Variants in UNC5D observed in about 807,000 individuals in gnomAD.
UNC5D encodes netrin receptor UNC5D.
Under a neutral mutation model 105.4 loss-of-function variants are expected in UNC5D, and 39 were observed. That is an observed-to-expected ratio of 0.37 (90% CI 0.29 to 0.48). The LOEUF (loss-of-function observed/expected upper bound fraction) is 0.48. Among genes scored for constraint, UNC5D ranks in the 20% least tolerant of loss-of-function variants. The pLI is 0.98. For synonymous variants in UNC5D, 452 were observed against 450.4 expected (o/e 1.00, Z -0.04); for missense variants, 991 against 1,202.4 (o/e 0.82, Z 2.60).
intron 1 of UNC5D, among the ~76,000 whole-genome samples, chr8:35,468,627 C>G (rs372854825): frequency 4.6e-5 from 7 of 152,306 alleles, no homozygotes; most frequent in African/African-American, 1.4e-4. Flanking sequence ...ACAGAATTCT[C>G]TATTTTTTAA....
At chr8:35,667,286 AG>A (rs959020010) in intron 4 of UNC5D, among the ~76,000 whole-genome samples, 2 of 152,302 alleles carry the variant, frequency 1.3e-5, no homozygotes, top group African/African-American at 4.8e-5. Context: ...CTCATGCTAT[AG>A]GGCCATCACA....
intron 1 of UNC5D, among the ~76,000 whole-genome samples, chr8:35,240,212 A>G (rs1471424399): frequency 6.6e-6 from 1 of 152,142 alleles, no homozygotes; most frequent in Non-Finnish European, 1.5e-5. Context: ...GGCCTCCCAA[A>G]GTGCTAGGAT....
intron 1 of UNC5D, among the ~76,000 whole-genome samples, chr8:35,312,537 T>C (rs895941000): frequency 3.3e-5 from 5 of 152,142 alleles, no homozygotes; most frequent in Admixed American, 6.5e-5. Flanking sequence ...GACTAAGAAT[T>C]ATTAGGTGTG....
At chr8:35,569,762 C>T (rs1344341918) in intron 3 of UNC5D, among the ~76,000 whole-genome samples, 1 of 152,186 alleles carries the variant, frequency 6.6e-6, no homozygotes, top group Non-Finnish European at 1.5e-5. Context: ...AGCATGGTCT[C>T]AATCAGGCCA....
chr8:35,392,939 G>A (rs895965891), intron 1 of UNC5D, among the ~76,000 whole-genome samples: 5 of 151,974 alleles, frequency 3.3e-5, no homozygotes, highest in Admixed American at 2.6e-4. Context: ...TTGGAATAAG[G>A]TTGGCTCTCA....
chr8:35,746,378 T>C (rs1252978344), intron 11 of UNC5D, among the ~76,000 whole-genome samples: 4 of 151,934 alleles, frequency 2.6e-5, no homozygotes, highest in Non-Finnish European at 5.9e-5. Context: ...GAGAAAAAAA[T>C]GGAGAGATTT....
At chr8:35,378,887 G>A (rs966755861) in intron 1 of UNC5D, among the ~76,000 whole-genome samples, 1 of 152,120 alleles carries the variant, frequency 6.6e-6, no homozygotes, top group Non-Finnish European at 1.5e-5. Context: ...CAGTCAAATT[G>A]CCTTCTCACT....
intron 1 of UNC5D, among the ~76,000 whole-genome samples, chr8:35,285,178 G>A (rs970696598): frequency 2.0e-5 from 3 of 152,168 alleles, no homozygotes; most frequent in Non-Finnish European, 4.4e-5. Context: ...TTGCAGCTAG[G>A]CAGATATGAA....
intron 1 of UNC5D, among the ~76,000 whole-genome samples, chr8:35,360,716 T>A (rs1040222980): frequency 6.6e-6 from 1 of 152,080 alleles, no homozygotes; most frequent in African/African-American, 2.4e-5. Flanking sequence ...ATTTTAGGAG[T>A]CTGGGAAACT....
intron 4 of UNC5D, among the ~76,000 whole-genome samples, chr8:35,643,067 C>A (rs1489208548): frequency 1.3e-5 from 2 of 152,112 alleles, no homozygotes; most frequent in Admixed American, 6.5e-5. Context: ...GTGAGAGTTA[C>A]TCTCCCTGAT....
chr8:35,746,399 C>T (rs111722754), intron 11 of UNC5D, among the ~76,000 whole-genome samples: 24 of 152,086 alleles, frequency 1.6e-4, no homozygotes, highest in African/African-American at 5.8e-4. Context: ...TTGTGAAGTT[C>T]CGGTGAACTT....
At chr8:35,626,361 C>T (rs1459402703) in intron 4 of UNC5D, among the ~76,000 whole-genome samples, 8 of 152,100 alleles carry the variant, frequency 5.3e-5, no homozygotes, top group Non-Finnish European at 1.2e-4. Context: ...TTGTATATGA[C>T]TTAGTTTCAT....
rs1312871507 is a variant in UNC5D, at chr8:35,748,675, A to G, written c.1915A>G (p.Thr639Ala). ...EHWNIHLKKR[T>A]QQGKWEEVMS... ...TTGGAATATCCATTTAAAGAAGAGG[A>G]CACAGCAGGGCAAATGGGAGGTGAG... Residue 639 changes from threonine to alanine, a missense_variant, in exon 12 of 17, where the codon ACA becomes GCA. Thr to Ala is a moderately conservative substitution (Grantham distance 58). Around this residue, in one of 3 missense-constraint regions of UNC5D, gnomAD observed 944 missense variants for 1,131.6 expected, o/e 0.83. Coordinates refer to ENST00000404895, the MANE Select transcript of UNC5D (RefSeq NM_080872.4). The G allele has an allele frequency of 1.9e-6, 3 of 1,613,682 alleles. No individual in the cohort carries two copies. Among genetic ancestry groups the G allele is most frequent in the Non-Finnish European group, 2.5e-6 (3 of 1,179,818 alleles).
At chr8:35,613,365 G>A (rs1192120883) in intron 4 of UNC5D, among the ~76,000 whole-genome samples, 1 of 152,212 alleles carries the variant, frequency 6.6e-6, no homozygotes, top group Non-Finnish European at 1.5e-5. Flanking sequence ...CTGAGCTACC[G>A]CTCCTGGCCT....
intron 14 of UNC5D, among the ~76,000 whole-genome samples, chr8:35,760,716 A>T (rs1362659794): frequency 6.6e-6 from 1 of 151,686 alleles, no homozygotes. Flanking sequence ...TCTTTGTTTT[A>T]CCCATCAGCA....
At chr8:35,641,657 G>T (rs537603915) in intron 4 of UNC5D, among the ~76,000 whole-genome samples, 2 of 152,188 alleles carry the variant, frequency 1.3e-5, no homozygotes, top group South Asian at 4.2e-4. Flanking sequence ...TCATCTCATG[G>T]ATAGAAAGAA....
intron 12 of UNC5D, among the ~76,000 whole-genome samples, chr8:35,748,988 C>T (rs1277127344): frequency 6.6e-6 from 1 of 152,136 alleles, no homozygotes; most frequent in Admixed American, 6.5e-5. Flanking sequence ...TTCACTTCCC[C>T]CTTGGCCTTG....
rs1812032226 is a variant in UNC5D, at chr8:35,349,204, T to C, written c.103+113317T>C. Among the ~76,000 whole-genome samples the C allele has an allele frequency of 2.6e-5, 4 of 152,054 alleles. No homozygotes were observed. In the South Asian group the frequency reaches 8.3e-4, roughly 32 times the overall value. On this transcript the variant is annotated intron_variant, in intron 1 of 16. Coordinates refer to ENST00000404895, the MANE Select transcript of UNC5D (RefSeq NM_080872.4). ...CTTTCAGATATTGATGGCATTCTTT[T>C]TGATGCTACACTAAAACCTCACAAG...
intron 1 of UNC5D, among the ~76,000 whole-genome samples, chr8:35,246,609 G>A (rs1803117174): frequency 6.6e-6 from 1 of 151,960 alleles, no homozygotes; most frequent in South Asian, 2.1e-4. Flanking sequence ...CCAGATATAT[G>A]AAATTTCATG....
Sources: gnomAD v4.1 joint callset for allele counts (sites outside exome capture counted in the v4.1 genomes callset) on GRCh38, gnomAD v4.1.1 for gene constraint, gnomAD v4.1.1 regional missense constraint, MANE v1.5 for transcripts, NCBI Gene and HGNC (gene_info 2026-07-23, HGNC 2026-07-21) for gene names.